The following GALNTL6 variants were observed in gnomAD, a reference collection of about 807,000 sequenced individuals.
GALNTL6 encodes polypeptide N-acetylgalactosaminyltransferase-like 6.
Under a neutral mutation model 73.7 loss-of-function variants are expected in GALNTL6, and 46 were observed. The observed-to-expected ratio is 0.62, with a 90% CI of 0.49 to 0.80. GALNTL6 has a LOEUF of 0.80. GALNTL6 is among the 30% of genes least tolerant of loss of function. The pLI is 0.00. For synonymous variants in GALNTL6, 259 were observed against 263.7 expected, an observed-to-expected ratio of 0.98 and a Z score of 0.17; for missense variants, 604 against 755.0, an observed-to-expected ratio of 0.80 and a Z score of 2.34.
At chr4:172,490,726 G>T (rs1429665292) in intron 5 of GALNTL6, among the ~76,000 whole-genome samples, 1 of 152,096 alleles carries the variant, frequency 6.6e-6, no homozygotes, top group Non-Finnish European at 1.5e-5. Flanking sequence ...TTAATAGTGA[G>T]AAAGATAAGA....
intron 2 of GALNTL6, among the ~76,000 whole-genome samples, chr4:171,845,252 T>C: frequency 6.6e-6 from 1 of 152,210 alleles, no homozygotes; most frequent in East Asian, 1.9e-4. Flanking sequence ...AAATTCTTGC[T>C]GGTCTCTTTG....
chr4:171,944,596 A>G (rs1406806090), intron 2 of GALNTL6, among the ~76,000 whole-genome samples: 1 of 152,016 alleles, frequency 6.6e-6, no homozygotes, highest in African/African-American at 2.4e-5. Flanking sequence ...GCTTTTAAAT[A>G]TATTTATTGA....
chr4:172,619,505 A>G (rs1418188031), intron 5 of GALNTL6, among the ~76,000 whole-genome samples: 1 of 152,220 alleles, frequency 6.6e-6, no homozygotes, highest in African/African-American at 2.4e-5. Context: ...TTTCAGAACA[A>G]CAAACTAATT....
chr4:172,277,604 A>G (rs1738883592), intron 3 of GALNTL6, among the ~76,000 whole-genome samples: 1 of 152,206 alleles, frequency 6.6e-6, no homozygotes, highest in African/African-American at 2.4e-5. Context: ...CCATAATAAC[A>G]TTACGAACAA....
chr4:171,967,379 G>A (rs1361614129), intron 2 of GALNTL6, among the ~76,000 whole-genome samples: 2 of 150,144 alleles, frequency 1.3e-5, no homozygotes, highest in African/African-American at 2.4e-5. Flanking sequence ...TGAGACTTTA[G>A]GTCATTGGCT....
At chr4:172,126,125 T>A (rs72700930) in intron 2 of GALNTL6, among the ~76,000 whole-genome samples, 3,177 of 152,262 alleles carry the variant, frequency 0.021, 34 homozygotes, top group Non-Finnish European at 0.031. Flanking sequence ...ATTTTATAAT[T>A]TTTTAGAAAC....
At chr4:172,684,795 T>G (rs1157471468) in intron 5 of GALNTL6, among the ~76,000 whole-genome samples, 3 of 152,190 alleles carry the variant, frequency 2.0e-5, no homozygotes, top group Non-Finnish European at 2.9e-5. Context: ...TATATTTCTT[T>G]TCTCTCTCCT....
At chr4:172,643,898 G>A (rs1740102391) in intron 5 of GALNTL6, among the ~76,000 whole-genome samples, 1 of 151,684 alleles carries the variant, frequency 6.6e-6, no homozygotes, top group African/African-American at 2.4e-5. Context: ...CATTTCTCTT[G>A]AGTATATATT....
intron 12 of GALNTL6, among the ~76,000 whole-genome samples, chr4:173,031,755 T>G (rs1333742293): frequency 6.6e-6 from 1 of 152,144 alleles, no homozygotes; most frequent in Non-Finnish European, 1.5e-5. Context: ...GCTAAAGAGA[T>G]ATGGATAGAC....
chr4:171,837,399 C>T lies in GALNTL6; in HGVS notation c.138+22681C>T, dbSNP rs576773117. Among the ~76,000 whole-genome samples, 20 of 151,680 alleles carry T rather than the reference C, an allele frequency of 1.3e-4. No individual in the cohort carries two copies. The South Asian group carries it at 3.9e-3, about 30-fold the overall frequency. ...ATATTTTGGGGGGCGATTGGTGAAA[C>T]GTGGTGGGATCTGAGGCTTAGGTGA... On this transcript the variant is annotated intron_variant, in intron 2 of 12. Coordinates refer to ENST00000506823, the MANE Select transcript of GALNTL6 (RefSeq NM_001034845.3).
At chr4:173,013,018 A>G (rs534092686) in intron 11 of GALNTL6, among the ~76,000 whole-genome samples, 2 of 152,262 alleles carry the variant, frequency 1.3e-5, no homozygotes, top group Non-Finnish European at 1.5e-5. Flanking sequence ...GATTATATAC[A>G]TATATCCAGA....
intron 3 of GALNTL6, among the ~76,000 whole-genome samples, chr4:172,284,015 A>G (rs969155414): frequency 1.3e-5 from 2 of 152,086 alleles, no homozygotes; most frequent in African/African-American, 4.8e-5. Flanking sequence ...TGACTCTTTC[A>G]TGGTCTAAAT....
chr4:172,394,534 G>A (rs1460197127), intron 5 of GALNTL6, among the ~76,000 whole-genome samples: 1 of 150,902 alleles, frequency 6.6e-6, no homozygotes, highest in Non-Finnish European at 1.5e-5. Context: ...CAGGTTCAAG[G>A]GATTCTCCTG....
intron 7 of GALNTL6, among the ~76,000 whole-genome samples, chr4:172,871,422 T>C (rs1057205783): frequency 3.8e-5 from 4 of 105,346 alleles, no homozygotes; most frequent in Non-Finnish European, 9.5e-5. Context: ...ACCCAGGAAA[T>C]AGGCTCTTCA....
chr4:172,941,821 G>T (rs1380645822), intron 9 of GALNTL6, among the ~76,000 whole-genome samples: 2 of 152,166 alleles, frequency 1.3e-5, no homozygotes. Context: ...TGTCTTCCAG[G>T]ACCCCAATCC....
chr4:171,916,896 T>C (rs1737648117), intron 2 of GALNTL6, among the ~76,000 whole-genome samples: 1 of 151,996 alleles, frequency 6.6e-6, no homozygotes, highest in African/African-American at 2.4e-5. Context: ...CCACTAAAGC[T>C]TGGGTAAAGG....
At chr4:172,924,384 A>T (rs1747940842) in intron 8 of GALNTL6, among the ~76,000 whole-genome samples, 1 of 152,222 alleles carries the variant, frequency 6.6e-6, no homozygotes, top group African/African-American at 2.4e-5. Flanking sequence ...TCAAAACTTT[A>T]AGTGGGTCAC....
chr4:172,695,649 C>G (rs982691914), intron 5 of GALNTL6, among the ~76,000 whole-genome samples: 5 of 152,052 alleles, frequency 3.3e-5, no homozygotes, highest in African/African-American at 1.2e-4. Flanking sequence ...CAATATTTTT[C>G]TCTTCAAGAA....
chr4:172,323,728 A>G (rs1173261811), intron 4 of GALNTL6, among the ~76,000 whole-genome samples: 2 of 152,142 alleles, frequency 1.3e-5, no homozygotes, highest in Admixed American at 6.5e-5. Context: ...TAACTACCTG[A>G]ACTGTCATCT....
Sources: allele counts gnomAD v4.1 joint callset (sites outside exome capture counted in the v4.1 genomes callset), GRCh38; gene constraint gnomAD v4.1.1; transcripts MANE v1.5; gene names NCBI Gene and HGNC (gene_info 2026-07-23, HGNC 2026-07-21).